Variants in CDH13 observed in about 807,000 individuals in gnomAD.
CDH13 encodes the protein cadherin-13.
CDH13 carries 24 observed loss-of-function variants against 63.8 expected under a neutral mutation model. The ratio of observed to expected loss-of-function variants is 0.38; its 90% CI spans 0.27 to 0.53. CDH13 has a LOEUF of 0.53. Among genes scored for constraint, CDH13 ranks in the 20% least tolerant of loss-of-function variants. CDH13 has a pLI of 0.85. For synonymous variants in CDH13, 503 were observed against 355.3 expected (o/e 1.42, Z -4.67); for missense variants, 1,049 against 903.1 (o/e 1.16, Z -2.07).
At chr16:82,659,432 T>C (rs568934437) in intron 1 of CDH13, among the ~76,000 whole-genome samples, 30 of 152,338 alleles carry the variant, frequency 2.0e-4, no homozygotes, top group Admixed American at 5.9e-4. Flanking sequence ...AGGCACTGTC[T>C]GCATGTACTT....
chr16:82,754,656 A>G (rs1318365381), intron 1 of CDH13, among the ~76,000 whole-genome samples: 1 of 152,210 alleles, frequency 6.6e-6, no homozygotes, highest in African/African-American at 2.4e-5. Flanking sequence ...AGTTTTATTT[A>G]TCTATTAATT....
intron 5 of CDH13, among the ~76,000 whole-genome samples, chr16:83,271,782 A>C (rs1456159547): frequency 6.6e-6 from 1 of 152,224 alleles, no homozygotes; most frequent in East Asian, 1.9e-4. Context: ...CTGTAATTTC[A>C]AGTAAATATT....
chr16:83,707,302 C>G (rs888975658), intron 10 of CDH13, among the ~76,000 whole-genome samples: 1 of 152,206 alleles, frequency 6.6e-6, no homozygotes, highest in African/African-American at 2.4e-5. Flanking sequence ...TAATCTCTTT[C>G]TCCTTGAATT....
chr16:83,494,682 G>T (rs1248014937), intron 7 of CDH13, among the ~76,000 whole-genome samples: 2 of 152,218 alleles, frequency 1.3e-5, no homozygotes, highest in African/African-American at 4.8e-5. Flanking sequence ...AAAGCAGTTT[G>T]CAGAGAGGCA....
intron 8 of CDH13, among the ~76,000 whole-genome samples, chr16:83,661,902 G>T (rs1222958669): frequency 1.3e-5 from 2 of 152,152 alleles, no homozygotes; most frequent in Admixed American, 1.3e-4. Context: ...CTTGCCCTTT[G>T]GTTCATTCCC....
intron 3 of CDH13, among the ~76,000 whole-genome samples, chr16:83,034,902 C>T (rs937603064): frequency 2.0e-5 from 3 of 152,104 alleles, no homozygotes; most frequent in Non-Finnish European, 2.9e-5. Context: ...TGTCTGTACG[C>T]ATTTTCGACA....
At chr16:83,381,564 C>G (rs767183345) in intron 6 of CDH13, among the ~76,000 whole-genome samples, 1 of 151,920 alleles carries the variant, frequency 6.6e-6, no homozygotes, top group Non-Finnish European at 1.5e-5. Flanking sequence ...TTTCTCTTCC[C>G]AATTATTAAG....
At chr16:83,225,429 AG>A (rs1431387389) in intron 5 of CDH13, among the ~76,000 whole-genome samples, 4 of 152,182 alleles carry the variant, frequency 2.6e-5, no homozygotes, top group Admixed American at 6.5e-5. Context: ...AATTTGTCCC[AG>A]GCTTCCTTGC....
intron 5 of CDH13, among the ~76,000 whole-genome samples, chr16:83,219,489 T>C (rs960971123): frequency 3.3e-5 from 5 of 152,168 alleles, no homozygotes; most frequent in East Asian, 3.8e-4. Flanking sequence ...TGTCATAGGA[T>C]TTCATAAGGA....
intron 4 of CDH13, among the ~76,000 whole-genome samples, chr16:83,198,716 C>T (rs928020576): frequency 6.6e-6 from 1 of 152,146 alleles, no homozygotes; most frequent in East Asian, 1.9e-4. Context: ...AATATATAGT[C>T]TGTTGTATGG....
In CDH13 at chr16:82,764,969, T is replaced by A. The variant is rs111318913; in HGVS notation, c.46-93393T>A. Among the ~76,000 whole-genome samples, 1,112 of 152,138 alleles carry A rather than the reference T, an allele frequency of 7.3e-3. 16 individuals carry two copies. The highest frequency in any genetic ancestry group is 0.026 in the African/African-American group (1,063 of 41,508). ...AGCTGAAACTACAGACGTGTGCCAC[T>A]ATGCCTGGCTAATTTCTTGTATTTT... On this transcript the variant is annotated intron_variant, in intron 1 of 13. Transcript: ENST00000567109.
chr16:82,763,394 T>G (rs2034929100), intron 1 of CDH13, among the ~76,000 whole-genome samples: 1 of 152,142 alleles, frequency 6.6e-6, no homozygotes, highest in African/African-American at 2.4e-5. Flanking sequence ...GAATACAGGC[T>G]CTCTGCTTGT....
intron 3 of CDH13, among the ~76,000 whole-genome samples, chr16:83,050,570 G>C (rs1200578133): frequency 6.6e-6 from 1 of 152,020 alleles, no homozygotes; most frequent in Non-Finnish European, 1.5e-5. Flanking sequence ...TTCCTGTCTT[G>C]ATTTTCCTTT....
At chr16:82,882,432 T>C (rs1002961068) in intron 2 of CDH13, among the ~76,000 whole-genome samples, 1 of 152,142 alleles carries the variant, frequency 6.6e-6, no homozygotes, top group African/African-American at 2.4e-5. Context: ...CCACCAGCAT[T>C]GCAAACCCGT....
intron 3 of CDH13, among the ~76,000 whole-genome samples, chr16:83,056,282 G>C (rs2030920533): frequency 6.6e-6 from 1 of 152,100 alleles, no homozygotes; most frequent in South Asian, 2.1e-4. Flanking sequence ...TCTTGACCTA[G>C]AAATCCTACT....
At chr16:83,667,378 T>G (rs752489006) in intron 8 of CDH13, among the ~76,000 whole-genome samples, 1 of 152,078 alleles carries the variant, frequency 6.6e-6, no homozygotes, top group Non-Finnish European at 1.5e-5. Flanking sequence ...TAAATATTAA[T>G]TTTATTAATT....
intron 1 of CDH13, among the ~76,000 whole-genome samples, chr16:82,745,204 T>C (rs542070255): frequency 6.6e-6 from 1 of 152,302 alleles, no homozygotes; most frequent in African/African-American, 2.4e-5. Context: ...TGGAGTTGTG[T>C]GCGTGGGGCG....
At chr16:82,817,591 G>T (rs768599913) in intron 1 of CDH13, among the ~76,000 whole-genome samples, 2 of 152,084 alleles carry the variant, frequency 1.3e-5, no homozygotes, top group Non-Finnish European at 2.9e-5. Context: ...ATCACCTGAG[G>T]TCAGGAGTTC....
chr16:83,695,597 A>G (rs1342164675), intron 10 of CDH13, among the ~76,000 whole-genome samples: 2 of 152,250 alleles, frequency 1.3e-5, no homozygotes, highest in Non-Finnish European at 2.9e-5. Flanking sequence ...GAAAAAGAAG[A>G]TAAATCTCTG....
Sources: gnomAD v4.1 joint callset for allele counts (sites outside exome capture counted in the v4.1 genomes callset) on GRCh38, gnomAD v4.1.1 for gene constraint, MANE v1.5 for transcripts, NCBI Gene and HGNC (gene_info 2026-07-23, HGNC 2026-07-21) for gene names.